The following PCDH15 variants were observed in gnomAD, a reference collection of about 807,000 sequenced individuals.
PCDH15 encodes protocadherin-15.
Under a neutral mutation model 178.5 loss-of-function variants are expected in PCDH15, and 129 were observed. That is an observed-to-expected ratio of 0.72 (90% CI 0.63 to 0.84). The LOEUF (loss-of-function observed/expected upper bound fraction) is 0.84. Ranked by LOEUF, PCDH15 falls within the 40% of genes least tolerant of loss-of-function variation. PCDH15 has a pLI of 0.00. For synonymous variants in PCDH15, 800 were observed against 732.0 expected, an observed-to-expected ratio of 1.09 and a Z score of -1.50; for missense variants, 2,230 against 2,099.9, an observed-to-expected ratio of 1.06 and a Z score of -1.21.
At chr10:55,287,585 AGCT>A (rs1190810246) in intron 1 of PCDH15, among the ~76,000 whole-genome samples, 15 of 152,138 alleles carry the variant, frequency 9.9e-5, no homozygotes, top group African/African-American at 3.6e-4. Flanking sequence ...AGTGACAGTA[AGCT>A]TTGAGCACTA....
At chr10:54,510,213 G>A (rs2081528643) in intron 3 of PCDH15, among the ~76,000 whole-genome samples, 1 of 152,142 alleles carries the variant, frequency 6.6e-6, no homozygotes, top group Non-Finnish European at 1.5e-5. Context: ...AAAGAAGTTA[G>A]TGGTAAAGCC....
At chr10:54,217,857 AG>A (rs1389011995) in intron 9 of PCDH15, among the ~76,000 whole-genome samples, 1 of 152,224 alleles carries the variant, frequency 6.6e-6, no homozygotes, top group Non-Finnish European at 1.5e-5. Flanking sequence ...CTAAGTAGCA[AG>A]AAAGAATTCC....
At chr10:54,177,795 A>C (rs1300670942) in intron 13 of PCDH15, among the ~76,000 whole-genome samples, 1 of 152,108 alleles carries the variant, frequency 6.6e-6, no homozygotes, top group Non-Finnish European at 1.5e-5. Flanking sequence ...GACTAGATGC[A>C]TGTTTTTGAG....
intron 1 of PCDH15, among the ~76,000 whole-genome samples, chr10:54,773,381 C>A (rs1949318732): frequency 6.6e-6 from 1 of 152,050 alleles, no homozygotes; most frequent in Non-Finnish European, 1.5e-5. Flanking sequence ...CTTATCAGTT[C>A]ATGTGGGATT....
chr10:53,924,155 T>A (rs1248869785), intron 25 of PCDH15, among the ~76,000 whole-genome samples: 2 of 152,028 alleles, frequency 1.3e-5, no homozygotes, highest in Non-Finnish European at 2.9e-5. Context: ...CGGAGCCAGC[T>A]CCCTCTGCTT....
rs1308400576 is a variant in PCDH15 at position 53,995,720 on chromosome 10, C to T, written c.2797G>A (p.Gly933Arg). ...TTGACTGCATCCGGAGCCACCATCC[C>T]TTTGTATATTCGTTTACTAAAGACA... is the stretch of plus-strand genomic sequence containing the variant. ...PPVFSKRIYK[G>R]MVAPDAVKGT... The change falls in exon 21 of 38, where the codon GGG becomes AGG. Residue 933 changes from glycine (G) to arginine (R), a missense_variant. Gly to Arg is a moderately radical substitution (Grantham distance 125). Transcript: ENST00000644397. The T allele has an allele frequency of 2.5e-6, 4 of 1,613,852 alleles. No individual in the cohort carries two copies. The East Asian group carries it at 8.9e-5, about 36-fold the overall frequency.
chr10:53,986,386 C>T (rs1029877638), intron 21 of PCDH15, among the ~76,000 whole-genome samples: 19 of 152,238 alleles, frequency 1.2e-4, no homozygotes, highest in Admixed American at 1.2e-3. Flanking sequence ...TGTAAAATGG[C>T]ACTGTCAATA....
chr10:55,320,639 T>A (rs1843867105), upstream of PCDH15, among the ~76,000 whole-genome samples: 1 of 152,112 alleles, frequency 6.6e-6, no homozygotes, highest in Non-Finnish European at 1.5e-5. Context: ...AGGGGCCTGA[T>A]GCCACCCCCC....
chr10:53,968,601 C>T (rs992865121), intron 21 of PCDH15, among the ~76,000 whole-genome samples: 3 of 152,186 alleles, frequency 2.0e-5, no homozygotes, highest in African/African-American at 7.2e-5. Context: ...AGACACATCC[C>T]AGTAGAGGCC....
chr10:55,201,393 G>A (rs886868724), intron 1 of PCDH15, among the ~76,000 whole-genome samples: 2 of 151,998 alleles, frequency 1.3e-5, no homozygotes, highest in African/African-American at 2.4e-5. Flanking sequence ...TCTGTTACTT[G>A]CAATTGAGGG....
At chr10:54,884,589 A>C (rs1954320855) in intron 3 of PCDH15, among the ~76,000 whole-genome samples, 1 of 151,932 alleles carries the variant, frequency 6.6e-6, no homozygotes, top group Non-Finnish European at 1.5e-5. Context: ...TCTCAAGAGT[A>C]TAAATCTTTT....
intron 2 of PCDH15, among the ~76,000 whole-genome samples, chr10:55,020,319 A>C (rs1469358726): frequency 6.6e-6 from 1 of 151,774 alleles, no homozygotes; most frequent in Admixed American, 6.6e-5. Context: ...TGTAATAGTA[A>C]TTAATTGAAA....
chr10:54,141,768 C>CA (rs2043432756), intron 14 of PCDH15, among the ~76,000 whole-genome samples: 1 of 152,064 alleles, frequency 6.6e-6, no homozygotes, highest in Non-Finnish European at 1.5e-5. Context: ...TACTTGAAAA[C>CA]AAAATATGCA....
intron 20 of PCDH15, among the ~76,000 whole-genome samples, chr10:54,014,507 A>G (rs878947600): frequency 1.3e-5 from 2 of 152,192 alleles, no homozygotes; most frequent in African/African-American, 4.8e-5. Flanking sequence ...ACACAGATCC[A>G]AAAATCTTCA....
intron 25 of PCDH15, among the ~76,000 whole-genome samples, chr10:53,923,182 C>G (rs1380092703): frequency 6.6e-6 from 1 of 152,162 alleles, no homozygotes; most frequent in Non-Finnish European, 1.5e-5. Flanking sequence ...TAACTAGTAA[C>G]AGGCTTTCAA....
chr10:55,446,612 G>A (rs139031659), intron 2 of PCDH15, among the ~76,000 whole-genome samples: 25 of 152,118 alleles, frequency 1.6e-4, no homozygotes, highest in African/African-American at 5.3e-4. Flanking sequence ...ATCAACATGC[G>A]CATACTTGCG....
chr10:54,972,337 C>G (rs1287674019), intron 2 of PCDH15, among the ~76,000 whole-genome samples: 3 of 150,232 alleles, frequency 2.0e-5, no homozygotes, highest in Admixed American at 2.0e-4. Context: ...GTCAGGAGTT[C>G]GAGACCAGCC....
At chr10:54,722,642 C>A (rs1941830815) in intron 1 of PCDH15, among the ~76,000 whole-genome samples, 1 of 149,522 alleles carries the variant, frequency 6.7e-6, no homozygotes, top group African/African-American at 2.5e-5. Context: ...TATCAGAAAA[C>A]CCTAATGACT....
In PCDH15 at chr10:55,281,727, A is replaced by G. The variant is rs186707475; in HGVS notation, c.-156+37872T>C. 1.1e-3 allele frequency among the ~76,000 whole-genome samples: 175 copies of G among 152,280 alleles called. 1 individual carries two copies. In the South Asian group the frequency reaches 0.018, roughly 16 times the overall value. On this transcript the variant is annotated intron_variant, in intron 1 of 5. Coordinates refer to the PCDH15 transcript ENST00000458638. ...TGGCTCACAAAAACTTAAATTCTTC[A>G]AAGACAGTGAAAACATATGAAACCA...
Sources: allele counts gnomAD v4.1 joint callset (sites outside exome capture counted in the v4.1 genomes callset), GRCh38; gene constraint gnomAD v4.1.1; transcripts MANE v1.5; gene names NCBI Gene and HGNC (gene_info 2026-07-23, HGNC 2026-07-21).